The following PHF14 variants were observed in gnomAD, a reference collection of about 807,000 sequenced individuals.
PHF14 encodes the protein PHD finger protein 14.
Under a neutral mutation model 117.9 loss-of-function variants are expected in PHF14, and 55 were observed. The observed-to-expected ratio is 0.47, with a 90% confidence interval of 0.38 to 0.58. PHF14 has a LOEUF of 0.58. Ranked by LOEUF, PHF14 falls within the 20% of genes least tolerant of loss-of-function variation. PHF14 has a pLI of 0.00. For synonymous variants in PHF14, 409 were observed against 368.6 expected, an observed-to-expected ratio of 1.11 and a Z score of -1.26; for missense variants, 978 against 1,122.2, an observed-to-expected ratio of 0.87 and a Z score of 1.84.
At chr7:11,026,931 T>G (rs1432920512) in intron 6 of PHF14, among the ~76,000 whole-genome samples, 1 of 152,168 alleles carries the variant, frequency 6.6e-6, no homozygotes, top group African/African-American at 2.4e-5. Flanking sequence ...AAATCATGAC[T>G]GGGACAGCCT....
At chr7:11,035,846 G>A (rs543265022) in intron 8 of PHF14, 60 bp downstream of exon 8, 32 of 1,320,008 alleles carry the variant, frequency 2.4e-5, no homozygotes, top group African/African-American at 2.2e-4. Context: ...AGGATTTTAC[G>A]TCTCGTGTGG....
chr7:11,005,296 A>G (rs1783041272), intron 4 of PHF14, among the ~76,000 whole-genome samples: 1 of 152,144 alleles, frequency 6.6e-6, no homozygotes, highest in Non-Finnish European at 1.5e-5. Context: ...TTCCTCCTAC[A>G]TTTATTAGGA....
chr7:11,001,481 G>A (rs1198936529), intron 4 of PHF14, among the ~76,000 whole-genome samples: 1 of 151,954 alleles, frequency 6.6e-6, no homozygotes, highest in Non-Finnish European at 1.5e-5. Flanking sequence ...AGATCAAGTT[G>A]GGAAGAAATG....
intron 17 of PHF14, among the ~76,000 whole-genome samples, chr7:11,127,313 G>A (rs573305639): frequency 4.7e-5 from 7 of 150,304 alleles, no homozygotes; most frequent in Non-Finnish European, 1.0e-4. Context: ...GATGCCTTCT[G>A]TGGGTTACTT....
chr7:10,998,403 A>G lies in PHF14; in HGVS notation c.1045+7556A>G, dbSNP rs115448614. On this transcript the variant is annotated intron_variant, in intron 4 of 17. Coordinates refer to ENST00000634607, the MANE Select transcript of PHF14 (RefSeq NM_001007157.2). ...TTGGGAGAATAAACTGAATAAGGAA[A>G]CATATACCTAAAATATATATGTATA... Among the ~76,000 whole-genome samples the G allele has an allele frequency of 9.5e-3, 1,446 of 152,232 alleles. 20 individuals carry two copies. The highest frequency in any genetic ancestry group is 0.033 in the African/African-American group (1,361 of 41,538).
At chr7:11,103,638 A>C in intron 16 of PHF14, 2 of 985,238 alleles carry the variant, frequency 2.0e-6, no homozygotes, top group Non-Finnish European at 2.4e-6. Context: ...TGATTAATAA[A>C]TGTGGTTTTG....
chr7:11,134,862 A>G (rs553929623), intron 17 of PHF14, among the ~76,000 whole-genome samples: 1 of 152,276 alleles, frequency 6.6e-6, no homozygotes, highest in Admixed American at 6.5e-5. Flanking sequence ...ATAATTCAGT[A>G]GAGCAACATA....
intron 16 of PHF14, chr7:11,106,191 T>C (rs1282563101): frequency 1.0e-6 from 1 of 981,126 alleles, no homozygotes; most frequent in African/African-American, 1.8e-5. Context: ...TATAGCTAAC[T>C]GAATTGATCC....
At chr7:11,029,057 A>T (rs1784026919) in intron 7 of PHF14, among the ~76,000 whole-genome samples, 1 of 152,200 alleles carries the variant, frequency 6.6e-6, no homozygotes, top group Admixed American at 6.5e-5. Flanking sequence ...AATGAAAGAT[A>T]ATCCAAGTTG....
rs1436842905 is a variant in PHF14, at chr7:11,103,599, A to G, written c.2655-7751A>G. The G allele has an allele frequency of 5.1e-6, 5 of 982,488 alleles. No homozygotes were observed. The East Asian group carries it at 4.6e-4, about 89-fold the overall frequency. The allele number at this position is 982,488 out of a possible 1,614,324, so 60.9% of individuals were successfully genotyped here. A position where few individuals can be genotyped will look rare whatever the true frequency, so the allele number is the denominator to read the frequency against. On this transcript the variant is annotated intron_variant, in intron 16 of 17. Coordinates refer to ENST00000634607, the MANE Select transcript of PHF14 (RefSeq NM_001007157.2). ...GAAATTGAATTGCACTTATACATGTAAATTGTCAACATGTAATTTGGAATT... is the reference window on the plus strand; with the variant it reads ...GAAATTGAATTGCACTTATACATGTGAATTGTCAACATGTAATTTGGAATT...
intron 17 of PHF14, among the ~76,000 whole-genome samples, chr7:11,138,697 GAGAAA>G (rs1409585982): frequency 2.0e-5 from 3 of 152,186 alleles, no homozygotes. Context: ...GTTCTTTAAA[GAGAAA>G]AGAGATCGTG....
Position 10,997,805 on chromosome 7 carries a change from GAGAA to G in PHF14, c.1045+6962_1045+6965del, listed in dbSNP as rs532133081. The stretch of plus-strand genomic sequence containing the variant: ...TGGCTTCAGAGTAAGTGATCAAAGA[GAGAA>G]AGAGACGGAAGCAGTTGTATCAGAG... On this transcript the variant is annotated intron_variant, in intron 4 of 17. Coordinates refer to ENST00000634607, the MANE Select transcript of PHF14 (RefSeq NM_001007157.2). 1.4e-4 allele frequency among the ~76,000 whole-genome samples: 22 copies of G among 152,328 alleles called. No individual in the cohort carries two copies. The South Asian group carries it at 3.7e-3, about 26-fold the overall frequency.
chr7:10,987,777 A>C (rs2128309295), intron 3 of PHF14, among the ~76,000 whole-genome samples: 1 of 152,284 alleles, frequency 6.6e-6, no homozygotes, highest in South Asian at 2.1e-4. Context: ...GTCTTCAGAA[A>C]TATACTAACA....
At chr7:11,133,542 G>A (rs1166917552) in intron 17 of PHF14, among the ~76,000 whole-genome samples, 1 of 151,960 alleles carries the variant, frequency 6.6e-6, no homozygotes, top group Non-Finnish European at 1.5e-5. Context: ...TATGTCATGA[G>A]TTTATAGCCA....
intron 17 of PHF14, among the ~76,000 whole-genome samples, chr7:11,160,354 G>A (rs1788988707): frequency 6.6e-6 from 1 of 152,138 alleles, no homozygotes; most frequent in Non-Finnish European, 1.5e-5. Context: ...GAACAGTGCT[G>A]CAGTGAACAT....
chr7:10,998,742 A>AGT (rs1782752593), intron 4 of PHF14, among the ~76,000 whole-genome samples: 1 of 152,132 alleles, frequency 6.6e-6, no homozygotes, highest in African/African-American at 2.4e-5. Flanking sequence ...TATATCCATG[A>AGT]ATGTCATTGC....
intron 16 of PHF14, among the ~76,000 whole-genome samples, chr7:11,083,931 G>C (rs2128337002): frequency 6.6e-6 from 1 of 152,320 alleles, no homozygotes; most frequent in South Asian, 2.1e-4. Context: ...AGGAGAAGAT[G>C]GGATGCCCGT....
At chr7:11,001,504 TA>T (rs1457801039) in intron 4 of PHF14, among the ~76,000 whole-genome samples, 1 of 152,196 alleles carries the variant, frequency 6.6e-6, no homozygotes, top group Non-Finnish European at 1.5e-5. Context: ...ATCTTGACAA[TA>T]TTGAGCTTTT....
chr7:11,052,160 T>A (rs1784869474), intron 14 of PHF14, among the ~76,000 whole-genome samples: 1 of 152,164 alleles, frequency 6.6e-6, no homozygotes, highest in Non-Finnish European at 1.5e-5. Flanking sequence ...TAGAAGAGAT[T>A]TACACTCTAA....
Sources: gnomAD v4.1 joint callset for allele counts (sites outside exome capture counted in the v4.1 genomes callset) on GRCh38, gnomAD v4.1.1 for gene constraint, MANE v1.5 for transcripts, NCBI Gene and HGNC (gene_info 2026-07-23, HGNC 2026-07-21) for gene names.